PIK3C2G: variants seen among roughly 807,000 people sequenced by gnomAD.
PIK3C2G encodes phosphatidylinositol 3-kinase C2 domain-containing subunit gamma.
In PIK3C2G, 168 loss-of-function variants were observed where a neutral mutation model predicts 181.1. That is an observed-to-expected ratio of 0.93 (90% CI 0.82 to 1.05). PIK3C2G has a LOEUF of 1.05. Ranked by LOEUF, PIK3C2G falls within the 50% of genes least tolerant of loss-of-function variation. The probability of loss-of-function intolerance (pLI) is 0.00; values close to 1 mark genes in which losing one functional copy is unlikely to be tolerated. For missense variants in PIK3C2G, 1,869 were observed against 1,732.8 expected, an observed-to-expected ratio of 1.08 and a Z score of -1.40; for synonymous variants, 573 against 592.2, an observed-to-expected ratio of 0.97 and a Z score of 0.47.
intron 29 of PIK3C2G, among the ~76,000 whole-genome samples, chr12:18,589,485 G>A (rs1309363356): frequency 2.6e-5 from 4 of 151,844 alleles, no homozygotes; most frequent in Admixed American, 6.6e-5. Flanking sequence ...GAATTCCAGT[G>A]ACCTAAGACC....
At chr12:18,296,361 G>A (rs1949941771) in intron 5 of PIK3C2G, among the ~76,000 whole-genome samples, 1 of 152,092 alleles carries the variant, frequency 6.6e-6, no homozygotes, top group African/African-American at 2.4e-5. Flanking sequence ...GGTGAGGCCT[G>A]AGGCTGTCCA....
chr12:18,631,007 T>C (rs1949329214), intron 31 of PIK3C2G, among the ~76,000 whole-genome samples: 1 of 152,082 alleles, frequency 6.6e-6, no homozygotes, highest in African/African-American at 2.4e-5. Context: ...AATTGCAGTG[T>C]AAGACATTTA....
intron 31 of PIK3C2G, among the ~76,000 whole-genome samples, chr12:18,638,429 C>T (rs1254545463): frequency 6.6e-6 from 1 of 152,138 alleles, no homozygotes; most frequent in Admixed American, 6.5e-5. Flanking sequence ...CAGCGACTTT[C>T]TACACAACCC....
intron 29 of PIK3C2G, among the ~76,000 whole-genome samples, chr12:18,583,825 A>C (rs1412711503): frequency 6.6e-6 from 1 of 152,152 alleles, no homozygotes; most frequent in East Asian, 1.9e-4. Flanking sequence ...TATGTCCTCC[A>C]AATGACTGCA....
intron 31 of PIK3C2G, among the ~76,000 whole-genome samples, 180 bp downstream of exon 31, chr12:18,609,809 G>A (rs1948244099): frequency 1.3e-5 from 2 of 151,942 alleles, no homozygotes; most frequent in Admixed American, 6.6e-5. Context: ...TTGGGGTAAA[G>A]ACTCTAAAAT....
chr12:18,683,277 G>T, the PIK3C2G span: 2 of 1,612,428 alleles, frequency 1.2e-6, no homozygotes, highest in African/African-American at 1.3e-5. Flanking sequence ...AGTGAAGCAG[G>T]CTCAAGGCTC....
intron 6 of PIK3C2G, among the ~76,000 whole-genome samples, chr12:18,319,118 G>A (rs907028487): frequency 1.3e-5 from 2 of 151,970 alleles, no homozygotes; most frequent in African/African-American, 4.8e-5. Flanking sequence ...AAAGCAGGTT[G>A]ATGATCTTTA....
intron 12 of PIK3C2G, among the ~76,000 whole-genome samples, chr12:18,364,662 C>G (rs1307124487): frequency 6.6e-6 from 1 of 152,092 alleles, no homozygotes; most frequent in Non-Finnish European, 1.5e-5. Flanking sequence ...CTTCAGGAGG[C>G]TAAGGCAGAT....
intron 10 of PIK3C2G, among the ~76,000 whole-genome samples, chr12:18,345,885 TC>T (rs1283425691): frequency 2.6e-5 from 4 of 152,192 alleles, no homozygotes; most frequent in African/African-American, 9.6e-5. Flanking sequence ...CATGGAATCA[TC>T]ACAGCAGATC....
intron 29 of PIK3C2G, among the ~76,000 whole-genome samples, chr12:18,587,814 A>G (rs1040395524): frequency 2.0e-5 from 3 of 152,024 alleles, no homozygotes; most frequent in African/African-American, 7.2e-5. Context: ...TAAGCAAAAA[A>G]CAAAACTGGA....
intron 8 of PIK3C2G, among the ~76,000 whole-genome samples, chr12:18,330,141 C>A (rs1937777882): frequency 2.0e-5 from 3 of 151,908 alleles, no homozygotes; most frequent in African/African-American, 7.2e-5. Flanking sequence ...ATTATAATGT[C>A]TTATTTATTA....
intron 11 of PIK3C2G, among the ~76,000 whole-genome samples, chr12:18,357,599 A>C (rs983281309): frequency 3.9e-5 from 6 of 152,242 alleles, no homozygotes; most frequent in African/African-American, 1.4e-4. Context: ...TGTTTACCAG[A>C]ACATTAGCAT....
chr12:18,724,456 A>T, the PIK3C2G span, among the ~76,000 whole-genome samples: 2 of 152,126 alleles, frequency 1.3e-5, no homozygotes, highest in East Asian at 1.9e-4. Flanking sequence ...TTAATTTTTT[A>T]AAAAATGCTT....
the PIK3C2G span, chr12:18,695,173 G>A: frequency 8.2e-7 from 1 of 1,225,600 alleles, no homozygotes; most frequent in Non-Finnish European, 1.2e-6. Context: ...TGGATTCTAT[G>A]TCCCCAAATG....
At chr12:18,403,825 G>A (rs780295596) in intron 16 of PIK3C2G, among the ~76,000 whole-genome samples, 2 of 152,062 alleles carry the variant, frequency 1.3e-5, no homozygotes, top group Non-Finnish European at 2.9e-5. Context: ...AGAGACCAAG[G>A]GCTAAGGTCT....
intron 3 of PIK3C2G, among the ~76,000 whole-genome samples, chr12:18,287,182 T>C (rs117449932): frequency 0.017 from 2,636 of 152,306 alleles, 42 homozygotes; most frequent in Non-Finnish European, 0.028. Flanking sequence ...AATTTGGACA[T>C]GCACTTGTTT....
intron 5 of PIK3C2G, 132 bp from the exon 6 acceptor site, chr12:18,313,824 ACACACG>A (rs1950742508): frequency 5.5e-6 from 3 of 544,164 alleles, no homozygotes; most frequent in Admixed American, 3.4e-5. Flanking sequence ...ACACACACAC[ACACACG>A]CACACACACG....
chr12:18,683,750 G>C, the PIK3C2G span: 3 of 656,134 alleles, frequency 4.6e-6, no homozygotes, highest in East Asian at 1.8e-4. Flanking sequence ...GGAAAGGATA[G>C]TCTCAGGCTC....
In PIK3C2G at chr12:18,292,225, AAAAT is replaced by A. The variant is rs1370599613; in HGVS notation, c.919+1215_919+1218del. ...AACTCCATCTCAAAAAAAAAAAAAAAAAATATATATATATATATATATATATATA... is the reference window on the plus strand; with the variant it reads ...AACTCCATCTCAAAAAAAAAAAAAAAATATATATATATATATATATATATA... On this transcript the variant is annotated intron_variant, in intron 4 of 32. Coordinates refer to ENST00000538779, the MANE Select transcript of PIK3C2G (RefSeq NM_001288772.2). 3.3e-4 allele frequency among the ~76,000 whole-genome samples: 18 copies of A among 55,356 alleles called. 1 individual carries two copies. The East Asian group carries it at 5.9e-3, about 18-fold the overall frequency. 36.3% of individuals were successfully genotyped at this position (55,356 alleles called of 152,430 possible). A position where few individuals can be genotyped will look rare whatever the true frequency, so the allele number is the denominator to read the frequency against.
Sources: allele counts gnomAD v4.1 joint callset (sites outside exome capture counted in the v4.1 genomes callset), GRCh38; gene constraint gnomAD v4.1.1; transcripts MANE v1.5; gene names NCBI Gene and HGNC (gene_info 2026-07-23, HGNC 2026-07-21).